Variants in TNFRSF19 observed in about 807,000 individuals in gnomAD.
TNFRSF19 encodes TNF receptor superfamily member 19, also known as tumor necrosis factor receptor superfamily member 19.
A neutral mutation model predicts 46.4 loss-of-function variants in TNFRSF19; 27 were observed. That is an observed-to-expected ratio of 0.58 (90% CI 0.43 to 0.80). The LOEUF (loss-of-function observed/expected upper bound fraction) is 0.80. TNFRSF19 is among the 30% of genes least tolerant of loss of function. TNFRSF19 has a pLI of 0.00. For missense variants in TNFRSF19, 511 were observed against 530.8 expected (o/e 0.96, Z 0.37); for synonymous variants, 204 against 205.0 (o/e 1.00, Z 0.04).
intron 3 of TNFRSF19, among the ~76,000 whole-genome samples, chr13:23,602,650 C>T (rs575272408): frequency 2.6e-5 from 4 of 152,050 alleles, no homozygotes; most frequent in African/African-American, 4.8e-5. Context: ...GCATAGAAAT[C>T]GTATAGTGTC....
At chr13:23,637,356 T>C (rs912909561) in intron 5 of TNFRSF19, among the ~76,000 whole-genome samples, 10 of 152,248 alleles carry the variant, frequency 6.6e-5, no homozygotes, top group Non-Finnish European at 2.9e-5. Flanking sequence ...TCAGACAAAT[T>C]ATTTAACTTT....
chr13:23,598,571 ATG>A (rs1241493015), intron 3 of TNFRSF19, among the ~76,000 whole-genome samples: 1 of 152,184 alleles, frequency 6.6e-6, no homozygotes, highest in Non-Finnish European at 1.5e-5. Flanking sequence ...CTTTGACAGT[ATG>A]TGTCTTATTA....
At position 23,659,098 on chromosome 13, in the gene TNFRSF19, C is replaced by T. The variant is rs879632962; in HGVS notation, c.494C>T (p.Pro165Leu). 3 of 1,613,928 alleles carry T rather than the reference C, an allele frequency of 1.9e-6. No homozygotes were observed. Among genetic ancestry groups the T allele is most frequent in the Admixed American group, 3.3e-5 (2 of 60,028 alleles). ...LVKIASTASS[P>L]RDTALAAVIC... ...AAGATCGCGTCCACGGCCTCCAGCCCACGGGACACGGCGCTGGCTGCCGTT... is the reference window on the plus strand; with the variant it reads ...AAGATCGCGTCCACGGCCTCCAGCCTACGGGACACGGCGCTGGCTGCCGTT... Residue 165 changes from proline to leucine, a missense_variant, in exon 6 of 10, where the codon CCA becomes CTA. By Grantham distance (98) the Pro-to-Leu change is moderately conservative. This residue lies in a region of TNFRSF19 where 376 missense variants were observed against 372.7 expected (regional missense o/e 1.01). Transcript: ENST00000248484. The surrounding 1 kb of genome is among the most constrained non-coding windows in gnomAD (Gnocchi z 4.9).
At chr13:23,657,799 C>T (rs965137927) in intron 5 of TNFRSF19, among the ~76,000 whole-genome samples, 18 of 152,120 alleles carry the variant, frequency 1.2e-4, no homozygotes, top group African/African-American at 4.3e-4. Flanking sequence ...GGGATCCTCT[C>T]AATTCAGCCT....
rs1951796312 is a variant in TNFRSF19, at chr13:23,674,232, GT to G, written c.*854del. 1 of 152,136 alleles carries G rather than the reference GT, an allele frequency of 6.6e-6. No homozygotes were observed. 9.4% of individuals were successfully genotyped at this position (152,136 alleles called of 1,614,324 possible). ...CTGTCCCTCTGCCTGAGCTTAGAAGGTTATAGAAAAAGGGTATTTATAAACA... is the reference window on the plus strand; with the variant it reads ...CTGTCCCTCTGCCTGAGCTTAGAAGGTATAGAAAAAGGGTATTTATAAACA... On this transcript the variant is annotated 3_prime_UTR_variant, in exon 10 of 10. Coordinates refer to ENST00000248484, the MANE Select transcript of TNFRSF19 (RefSeq NM_148957.4).
intron 5 of TNFRSF19, among the ~76,000 whole-genome samples, chr13:23,630,529 A>G (rs757396809): frequency 2.8e-4 from 42 of 152,128 alleles, no homozygotes; most frequent in Non-Finnish European, 5.0e-4. Flanking sequence ...CACTAATGGC[A>G]TTAATGTGTG....
At chr13:23,598,212 A>C (rs1207418330) in intron 3 of TNFRSF19, among the ~76,000 whole-genome samples, 2 of 152,114 alleles carry the variant, frequency 1.3e-5, no homozygotes, top group African/African-American at 4.8e-5. Flanking sequence ...AGGGAGGGGA[A>C]CATTACACAC....
chr13:23,644,917 TC>T (rs1004008996), intron 5 of TNFRSF19, among the ~76,000 whole-genome samples: 5 of 152,206 alleles, frequency 3.3e-5, no homozygotes, highest in African/African-American at 1.2e-4. Flanking sequence ...GTGTAATCCT[TC>T]TGTGATCCTC....
At chr13:23,667,243 A>G (rs1168194704) in intron 7 of TNFRSF19, among the ~76,000 whole-genome samples, 1 of 152,104 alleles carries the variant, frequency 6.6e-6, no homozygotes, top group Non-Finnish European at 1.5e-5. Flanking sequence ...TTTCTTATCT[A>G]ATCTCTATAT....
In TNFRSF19 at chr13:23,587,854, A is replaced by G. The variant is rs143617086; in HGVS notation, c.-34-2296A>G. ...TTAAAGCATTAGCACAGTACTCAAC[A>G]TTATAAACGCTTGGTTCAAACTCTT... On this transcript the variant is annotated intron_variant, in intron 1 of 9. Transcript: ENST00000248484. Among the ~76,000 whole-genome samples the G allele has an allele frequency of 2.0e-5, 3 of 152,192 alleles. No individual in the cohort carries two copies. The South Asian group carries it at 6.2e-4, about 31-fold the overall frequency.
chr13:23,670,405 G>A (rs1951739816), intron 9 of TNFRSF19, among the ~76,000 whole-genome samples: 1 of 152,150 alleles, frequency 6.6e-6, no homozygotes, highest in Admixed American at 6.5e-5. Context: ...GGAAAAAATT[G>A]GTTTCATTCT....
intron 5 of TNFRSF19, among the ~76,000 whole-genome samples, chr13:23,640,651 T>A (rs1268526927): frequency 1.3e-5 from 2 of 152,240 alleles, no homozygotes; most frequent in Non-Finnish European, 2.9e-5. Context: ...TATGCCAAGA[T>A]GTTCATCTGA....
intron 5 of TNFRSF19, among the ~76,000 whole-genome samples, chr13:23,652,293 C>T (rs557729390): frequency 6.6e-6 from 1 of 152,276 alleles, no homozygotes; most frequent in South Asian, 2.1e-4. Flanking sequence ...TTAACTGTCC[C>T]CATTATCCAG....
At chr13:23,619,839 A>G (rs1200641106) in intron 4 of TNFRSF19, among the ~76,000 whole-genome samples, 7 of 152,086 alleles carry the variant, frequency 4.6e-5, no homozygotes, top group African/African-American at 1.7e-4. Context: ...TAGGACTGGG[A>G]TTTTATAGAG....
intron 1 of TNFRSF19, among the ~76,000 whole-genome samples, chr13:23,576,582 A>G (rs1294109449): frequency 2.0e-5 from 3 of 152,198 alleles, no homozygotes; most frequent in Non-Finnish European, 4.4e-5. Context: ...TGCTTTCAGG[A>G]CACCCTCTTG....
chr13:23,632,901 G>T (rs1882438254), intron 5 of TNFRSF19, among the ~76,000 whole-genome samples: 1 of 152,148 alleles, frequency 6.6e-6, no homozygotes. Context: ...CTGCAGGGAG[G>T]AGTCAGAAAC....
rs1191597871 is a variant in TNFRSF19, at chr13:23,590,235, G to C, written c.52G>C (p.Val18Leu). Reference protein sequence around the residue: ...EQEKTFFTLLVLLGYLSCKVT... With the variant: ...EQEKTFFTLLLLLGYLSCKVT... ...AGAGAAAACGTTTTTCACTCTTTTAGTATTACTAGGCTATTTGGTAAGTAA... is the reference window on the plus strand; with the variant it reads ...AGAGAAAACGTTTTTCACTCTTTTACTATTACTAGGCTATTTGGTAAGTAA... The change falls in exon 2 of 10, where the codon GTA becomes CTA. Residue 18 changes from valine to leucine, a missense_variant. Val to Leu is a conservative substitution (Grantham distance 32, BLOSUM62 1). Coordinates refer to ENST00000248484, the MANE Select transcript of TNFRSF19 (RefSeq NM_148957.4). The C allele has an allele frequency of 6.3e-7, 1 of 1,587,576 alleles. No individual in the cohort carries two copies. The highest frequency in any genetic ancestry group is 1.4e-5 in the African/African-American group (1 of 73,536).
intron 5 of TNFRSF19, among the ~76,000 whole-genome samples, chr13:23,638,352 G>T (rs529329201): frequency 1.3e-5 from 2 of 152,192 alleles, no homozygotes; most frequent in South Asian, 2.1e-4. Context: ...AATCCGGCAA[G>T]TGCCAAAGAG....
At chr13:23,630,157 G>A (rs1471074914) in intron 5 of TNFRSF19, among the ~76,000 whole-genome samples, 1 of 152,004 alleles carries the variant, frequency 6.6e-6, no homozygotes, top group South Asian at 2.1e-4. Context: ...TAAAAAATTA[G>A]CTAGGGATGG....
Sources: gnomAD v4.1 joint callset for allele counts (sites outside exome capture counted in the v4.1 genomes callset) on GRCh38, gnomAD v4.1.1 for gene constraint, gnomAD v4.1.1 regional missense constraint, Gnocchi (gnomAD v3.1) non-coding constraint, MANE v1.5 for transcripts, NCBI Gene and HGNC (gene_info 2026-07-23, HGNC 2026-07-21) for gene names.